Variants in NCKAP5 observed in about 807,000 individuals in gnomAD.
NCKAP5 encodes nck-associated protein 5.
Under a neutral mutation model 167.0 loss-of-function variants are expected in NCKAP5, and 92 were observed. That is an observed-to-expected ratio of 0.55 (90% CI 0.47 to 0.66). NCKAP5 has a LOEUF of 0.66. Among genes scored for constraint, NCKAP5 ranks in the 30% least tolerant of loss-of-function variants. The pLI is 0.00. For synonymous variants in NCKAP5, 891 were observed against 877.4 expected, an observed-to-expected ratio of 1.02 and a Z score of -0.27; for missense variants, 2,378 against 2,315.0, an observed-to-expected ratio of 1.03 and a Z score of -0.56.
At chr2:132,897,068 G>C (rs1245323046) in intron 8 of NCKAP5, among the ~76,000 whole-genome samples, 8 of 152,198 alleles carry the variant, frequency 5.3e-5, no homozygotes. Flanking sequence ...TGGAATCATA[G>C]TTTGAGGTGA....
intron 19 of NCKAP5, among the ~76,000 whole-genome samples, chr2:132,713,112 C>T (rs1469930134): frequency 2.2e-5 from 2 of 91,862 alleles, no homozygotes; most frequent in African/African-American, 9.3e-5. Context: ...AAGAAATGTG[C>T]ATTTTTTGCT....
At chr2:133,657,426 A>G in the NCKAP5 span, among the ~76,000 whole-genome samples, 1 of 152,210 alleles carries the variant, frequency 6.6e-6, no homozygotes, top group Non-Finnish European at 1.5e-5. Context: ...TTTAGCATGC[A>G]ACCTTTGCGA....
At chr2:132,815,736 A>T (rs4953998) in intron 11 of NCKAP5, among the ~76,000 whole-genome samples, 2 of 152,062 alleles carry the variant, frequency 1.3e-5, no homozygotes, top group Non-Finnish European at 2.9e-5. Flanking sequence ...AGCCCAGTGC[A>T]TCATCAAGCT....
rs1425264568 is a variant in NCKAP5, at chr2:132,856,014, A to G, written c.807+4478T>C. 2.0e-5 allele frequency among the ~76,000 whole-genome samples: 3 copies of G among 152,128 alleles called. No individual in the cohort carries two copies. The East Asian group carries it at 5.8e-4, about 29-fold the overall frequency. On this transcript the variant is annotated intron_variant, in intron 11 of 19. Coordinates refer to ENST00000409261, the MANE Select transcript of NCKAP5 (RefSeq NM_207363.3). Reference sequence around the variant, plus strand: ...CCCATCTCTACTAAAAATACAAAAAATTAGCCAGGCATGGTGGCGGGCGCC... The same window carrying G: ...CCCATCTCTACTAAAAATACAAAAAGTTAGCCAGGCATGGTGGCGGGCGCC...
chr2:133,528,335 T>C (rs559933819), intron 2 of NCKAP5, among the ~76,000 whole-genome samples: 12 of 144,610 alleles, frequency 8.3e-5, no homozygotes, highest in South Asian at 2.2e-4. Context: ...TTTTTTTTTT[T>C]CCCATGTGTA....
intron 6 of NCKAP5, among the ~76,000 whole-genome samples, chr2:133,040,494 G>C (rs1022796117): frequency 6.6e-6 from 1 of 152,006 alleles, no homozygotes; most frequent in Non-Finnish European, 1.5e-5. Context: ...CTATAAACAA[G>C]GTTGGTATAA....
chr2:132,767,430 G>A (rs978478137), intron 16 of NCKAP5, among the ~76,000 whole-genome samples: 5 of 152,082 alleles, frequency 3.3e-5, no homozygotes, highest in Non-Finnish European at 7.4e-5. Context: ...ATTTTTAGTA[G>A]AGATGGGGTT....
intron 5 of NCKAP5, among the ~76,000 whole-genome samples, chr2:133,157,603 A>G (rs2083622127): frequency 6.6e-6 from 1 of 152,172 alleles, no homozygotes; most frequent in Non-Finnish European, 1.5e-5. Context: ...TAAACTCCCG[A>G]GAATAAAACT....
intron 4 of NCKAP5, among the ~76,000 whole-genome samples, chr2:133,289,720 A>C (rs1381429295): frequency 4.1e-5 from 6 of 145,106 alleles, no homozygotes. Context: ...CAAACAAACA[A>C]ACAAACAAAA....
intron 10 of NCKAP5, among the ~76,000 whole-genome samples, 179 bp from the exon 11 acceptor site, chr2:132,860,790 T>A (rs1447547): frequency 6.6e-6 from 1 of 152,340 alleles, no homozygotes; most frequent in African/African-American, 2.4e-5. Context: ...AGAATTATTA[T>A]GTGCAAAGAA....
intron 2 of NCKAP5, among the ~76,000 whole-genome samples, chr2:133,518,451 T>TTC: frequency 7.2e-6 from 1 of 138,604 alleles, no homozygotes; most frequent in Non-Finnish European, 1.5e-5. Context: ...GCCTCCCTGG[T>TTC]TCACGCCATT....
At position 133,402,673 on chromosome 2, in the gene NCKAP5, C is replaced by A. The variant is rs79115914; in HGVS notation, c.70-99563G>T. Among the ~76,000 whole-genome samples the A allele has an allele frequency of 9.6e-3, 1,455 of 152,138 alleles. 25 individuals carry two copies. Among genetic ancestry groups the A allele is most frequent in the African/African-American group, 0.033 (1,379 of 41,468 alleles). On this transcript the variant is annotated intron_variant, in intron 3 of 19. Coordinates refer to ENST00000409261, the MANE Select transcript of NCKAP5 (RefSeq NM_207363.3). ...GATCCGGTTGTTTAAAAGAGCCTGG[C>A]ACTTCCTCCTTCTCTCTCTTGCTTT...
chr2:133,582,274 G>A, the NCKAP5 span, among the ~76,000 whole-genome samples: 1 of 152,198 alleles, frequency 6.6e-6, no homozygotes, highest in African/African-American at 2.4e-5. Flanking sequence ...CAGGGACTCT[G>A]TGGGTGAGAC....
the NCKAP5 span, among the ~76,000 whole-genome samples, chr2:133,651,865 T>C: frequency 3.3e-5 from 5 of 152,224 alleles, no homozygotes; most frequent in Non-Finnish European, 7.3e-5. Context: ...TAGATGAACC[T>C]TGAGGACATT....
At chr2:133,212,198 G>C (rs1209408382) in intron 5 of NCKAP5, among the ~76,000 whole-genome samples, 1 of 152,164 alleles carries the variant, frequency 6.6e-6, no homozygotes, top group African/African-American at 2.4e-5. Context: ...CGCTGACGAA[G>C]TGGTGAGCAG....
intron 11 of NCKAP5, among the ~76,000 whole-genome samples, chr2:132,842,242 T>C (rs1352332348): frequency 1.3e-5 from 2 of 152,276 alleles, no homozygotes; most frequent in East Asian, 1.9e-4. Context: ...ATTATTTTCT[T>C]ATAAACTTTT....
chr2:132,905,961 G>C (rs1469246706), intron 8 of NCKAP5, among the ~76,000 whole-genome samples: 1 of 152,182 alleles, frequency 6.6e-6, no homozygotes, highest in African/African-American at 2.4e-5. Context: ...TGAACTAAGT[G>C]TGCAGATCAT....
chr2:132,943,194 G>A (rs1287471317), intron 8 of NCKAP5, among the ~76,000 whole-genome samples: 6 of 152,156 alleles, frequency 3.9e-5, no homozygotes, highest in Admixed American at 3.3e-4. Context: ...GGTAAACAAT[G>A]ACATTTCTCC....
intron 4 of NCKAP5, among the ~76,000 whole-genome samples, chr2:133,294,793 C>T (rs1679844339): frequency 6.6e-6 from 1 of 152,150 alleles, no homozygotes; most frequent in Non-Finnish European, 1.5e-5. Context: ...ATAAGAATCA[C>T]ATGCAAGCCA....
Sources: gnomAD v4.1 joint callset for allele counts (sites outside exome capture counted in the v4.1 genomes callset) on GRCh38, gnomAD v4.1.1 for gene constraint, MANE v1.5 for transcripts, NCBI Gene and HGNC (gene_info 2026-07-23, HGNC 2026-07-21) for gene names.